Variants in EXOC4 observed in about 807,000 individuals in gnomAD.
EXOC4 encodes the protein exocyst complex component 4.
EXOC4 carries 71 observed loss-of-function variants against 107.2 expected under a neutral mutation model. That is an observed-to-expected ratio of 0.66 (90% confidence interval 0.55 to 0.81). The LOEUF (loss-of-function observed/expected upper bound fraction) is 0.81, where lower values mean the gene tolerates loss of function less well. EXOC4 is among the 30% of genes least tolerant of loss of function. The pLI is 0.00. For missense variants in EXOC4, 1,108 were observed against 1,189.6 expected (o/e 0.93, Z 1.01); for synonymous variants, 456 against 441.2 (o/e 1.03, Z -0.42).
chr7:133,778,170 A>C (rs557295216), intron 10 of EXOC4, among the ~76,000 whole-genome samples: 16 of 152,342 alleles, frequency 1.1e-4, no homozygotes, highest in Middle Eastern at 3.4e-3. Context: ...CCAAGTTGCC[A>C]TCCATCCTAC....
chr7:133,634,199 A>G lies in EXOC4; in HGVS notation c.1514+4058A>G, dbSNP rs574493713. 1.7e-4 allele frequency among the ~76,000 whole-genome samples: 26 copies of G among 152,314 alleles called. No homozygotes were observed. The South Asian group carries it at 5.0e-3, about 29-fold the overall frequency. On this transcript the variant is annotated intron_variant, in intron 10 of 17. Coordinates refer to ENST00000253861, the MANE Select transcript of EXOC4 (RefSeq NM_021807.4). ...GCTAACTTATTTTTATACTGTTCTC[A>G]TAGCTACTGCAGTTCCATCACTAGG...
intron 10 of EXOC4, among the ~76,000 whole-genome samples, chr7:133,644,092 A>T (rs1802930320): frequency 6.6e-6 from 1 of 152,190 alleles, no homozygotes; most frequent in South Asian, 2.1e-4. Flanking sequence ...AAATTGATTG[A>T]GGGGCTTTGA....
chr7:133,410,528 A>G (rs528183401), intron 7 of EXOC4, among the ~76,000 whole-genome samples: 4 of 152,264 alleles, frequency 2.6e-5, no homozygotes, highest in South Asian at 2.1e-4. Context: ...TTATTTCATT[A>G]TCAGCATGTT....
intron 10 of EXOC4, among the ~76,000 whole-genome samples, chr7:133,740,568 A>G (rs1197844058): frequency 6.6e-6 from 1 of 152,162 alleles, no homozygotes; most frequent in Admixed American, 6.5e-5. Context: ...ATTAGATGTA[A>G]TCTAACCTTC....
At chr7:133,830,991 G>A (rs1563018183) in intron 11 of EXOC4, among the ~76,000 whole-genome samples, 2 of 151,794 alleles carry the variant, frequency 1.3e-5, no homozygotes, top group Non-Finnish European at 2.9e-5. Context: ...TTGAGACAGA[G>A]TCTCGCTCTA....
At chr7:133,693,733 T>C (rs1794471118) in intron 10 of EXOC4, among the ~76,000 whole-genome samples, 1 of 152,146 alleles carries the variant, frequency 6.6e-6, no homozygotes, top group Non-Finnish European at 1.5e-5. Context: ...TAGATAAACC[T>C]AGCCTCCGTA....
intron 3 of EXOC4, among the ~76,000 whole-genome samples, chr7:133,294,648 A>G (rs1794479185): frequency 1.3e-5 from 2 of 152,270 alleles, no homozygotes; most frequent in East Asian, 3.9e-4. Flanking sequence ...AGAGGATCCC[A>G]GAGTGCTTTG....
chr7:133,466,651 TAGAG>T (rs1398948641), intron 7 of EXOC4, among the ~76,000 whole-genome samples: 1 of 151,984 alleles, frequency 6.6e-6, no homozygotes, highest in Non-Finnish European at 1.5e-5. Context: ...TTTCAGAAAA[TAGAG>T]AAACAGTTTC....
chr7:133,878,911 G>T (rs564461208), intron 11 of EXOC4, among the ~76,000 whole-genome samples: 1 of 151,974 alleles, frequency 6.6e-6, no homozygotes, highest in Non-Finnish European at 1.5e-5. Flanking sequence ...TTTTAGTAGA[G>T]ATGGGGTTTC....
chr7:133,781,763 G>A (rs899562399), intron 10 of EXOC4, among the ~76,000 whole-genome samples: 5 of 152,292 alleles, frequency 3.3e-5, no homozygotes, highest in African/African-American at 9.6e-5. Flanking sequence ...CACTGGAGTG[G>A]TAGGGGGCTC....
chr7:133,274,802 G>T (rs1020095098), intron 1 of EXOC4, among the ~76,000 whole-genome samples, 180 bp from the exon 2 acceptor site: 1 of 152,152 alleles, frequency 6.6e-6, no homozygotes, highest in African/African-American at 2.4e-5. Flanking sequence ...CCACTTAGAT[G>T]GGCTATTGAA....
chr7:133,840,636 C>CCA (rs927559434), intron 11 of EXOC4, among the ~76,000 whole-genome samples: 16 of 152,146 alleles, frequency 1.1e-4, no homozygotes, highest in Non-Finnish European at 2.1e-4. Context: ...GCACGCTCCA[C>CCA]CACACCTGGC....
chr7:133,904,423 A>G (rs922194608), intron 12 of EXOC4, among the ~76,000 whole-genome samples: 7 of 152,194 alleles, frequency 4.6e-5, no homozygotes, highest in Admixed American at 2.6e-4. Context: ...GCTTTGTCCA[A>G]ACAGCAAACT....
intron 10 of EXOC4, among the ~76,000 whole-genome samples, chr7:133,708,180 A>C (rs1373287039): frequency 1.3e-5 from 2 of 152,216 alleles, no homozygotes; most frequent in Non-Finnish European, 2.9e-5. Context: ...AGACACAAAA[A>C]GGAAGAATAT....
intron 9 of EXOC4, among the ~76,000 whole-genome samples, chr7:133,598,193 A>G (rs1017212915): frequency 3.9e-5 from 6 of 152,200 alleles, no homozygotes; most frequent in Middle Eastern, 3.2e-3. Flanking sequence ...AGGGAGGGCC[A>G]GAAGTGTAGT....
intron 9 of EXOC4, among the ~76,000 whole-genome samples, chr7:133,512,780 C>G (rs1214169304): frequency 6.6e-6 from 1 of 152,278 alleles, no homozygotes; most frequent in South Asian, 2.1e-4. Context: ...ACGCCTCAGT[C>G]TGTTACATTA....
intron 9 of EXOC4, among the ~76,000 whole-genome samples, chr7:133,518,886 A>T (rs949452165): frequency 1.3e-5 from 2 of 152,160 alleles, no homozygotes; most frequent in Admixed American, 6.5e-5. Flanking sequence ...TGGGAAGATG[A>T]AAAAAGTTCT....
intron 5 of EXOC4, among the ~76,000 whole-genome samples, chr7:133,328,111 G>A (rs1317825222): frequency 6.6e-6 from 1 of 152,120 alleles, no homozygotes; most frequent in Non-Finnish European, 1.5e-5. Context: ...GAATCTGAGT[G>A]CTTCTGTATT....
chr7:133,269,892 C>T (rs1793824274), intron 1 of EXOC4, among the ~76,000 whole-genome samples: 1 of 152,008 alleles, frequency 6.6e-6, no homozygotes, highest in Admixed American at 6.6e-5. Flanking sequence ...AAAGACTGTG[C>T]CTTGAATAAA....
Sources: allele counts gnomAD v4.1 joint callset (sites outside exome capture counted in the v4.1 genomes callset), GRCh38; gene constraint gnomAD v4.1.1; transcripts MANE v1.5; gene names NCBI Gene and HGNC (gene_info 2026-07-23, HGNC 2026-07-21).